The following CSMD3 variants were observed in gnomAD, a reference collection of about 807,000 sequenced individuals.
The protein encoded by CSMD3 is CUB and sushi domain-containing protein 3.
CSMD3 carries 177 observed loss-of-function variants against 435.2 expected under a neutral mutation model. That is an observed-to-expected ratio of 0.41 (90% confidence interval 0.36 to 0.46). The LOEUF (loss-of-function observed/expected upper bound fraction) is 0.46. CSMD3 is among the 20% of genes least tolerant of loss of function. The pLI is 0.34. For synonymous variants in CSMD3, 1,656 were observed against 1,520.5 expected (o/e 1.09, Z -2.07); for missense variants, 4,265 against 4,504.6 (o/e 0.95, Z 1.52).
At chr8:112,865,654 C>T (rs1233537682) in intron 10 of CSMD3, among the ~76,000 whole-genome samples, 1 of 149,932 alleles carries the variant, frequency 6.7e-6, no homozygotes, top group South Asian at 2.1e-4. Flanking sequence ...TATCTCTAAA[C>T]TTTAGTTTCT....
intron 30 of CSMD3, among the ~76,000 whole-genome samples, chr8:112,498,867 T>C (rs909808538): frequency 6.6e-6 from 1 of 152,128 alleles, no homozygotes; most frequent in Non-Finnish European, 1.5e-5. Flanking sequence ...ATTTAAAGAA[T>C]GTTATTATTC....
At chr8:112,362,946 G>A (rs1195966252) in intron 38 of CSMD3, among the ~76,000 whole-genome samples, 1 of 151,944 alleles carries the variant, frequency 6.6e-6, no homozygotes, top group Non-Finnish European at 1.5e-5. Flanking sequence ...GTAGTGTTCT[G>A]TGGAAGGCAG....
chr8:113,010,317 G>C (rs1034880824), intron 6 of CSMD3, among the ~76,000 whole-genome samples: 1 of 151,802 alleles, frequency 6.6e-6, no homozygotes, highest in Non-Finnish European at 1.5e-5. Context: ...AAAAGGGAAG[G>C]AGGAAGTGAT....
At chr8:113,027,061 G>T (rs1264852723) in intron 5 of CSMD3, among the ~76,000 whole-genome samples, 1 of 152,060 alleles carries the variant, frequency 6.6e-6, no homozygotes, top group Non-Finnish European at 1.5e-5. Context: ...CTGAACATTA[G>T]CAACCAAAAA....
intron 35 of CSMD3, among the ~76,000 whole-genome samples, chr8:112,404,200 A>T (rs1387071320): frequency 3.9e-5 from 6 of 152,158 alleles, no homozygotes; most frequent in Non-Finnish European, 7.3e-5. Context: ...TGGTAAAAAA[A>T]ATATATTTTA....
At chr8:112,869,408 G>A (rs578162759) in intron 10 of CSMD3, among the ~76,000 whole-genome samples, 60 of 152,168 alleles carry the variant, frequency 3.9e-4, no homozygotes, top group Non-Finnish European at 4.1e-4. Context: ...ATTATTTATT[G>A]ATCAAATATT....
intron 3 of CSMD3, among the ~76,000 whole-genome samples, chr8:113,201,950 T>G (rs2092720240): frequency 6.6e-6 from 1 of 152,082 alleles, no homozygotes; most frequent in South Asian, 2.1e-4. Flanking sequence ...ACACACCCTA[T>G]AGCTATAACC....
intron 45 of CSMD3, 125 bp downstream of exon 45, chr8:112,335,203 TG>T (rs1395180143): frequency 5.5e-6 from 5 of 909,414 alleles, no homozygotes; most frequent in Non-Finnish European, 8.7e-6. Flanking sequence ...CTAAAGTTAC[TG>T]TGATTATAAA....
intron 32 of CSMD3, among the ~76,000 whole-genome samples, chr8:112,465,974 C>CAAAAAAAAAAAAA (rs201876803): frequency 1.4e-4 from 16 of 114,164 alleles, no homozygotes; most frequent in African/African-American, 5.5e-4. Flanking sequence ...GACACCATCT[C>CAAAAAAAAAAAAA]AAAAAAAAAA....
At chr8:113,210,878 CAAA>C (rs11287401) in intron 3 of CSMD3, among the ~76,000 whole-genome samples, 1 of 143,262 alleles carries the variant, frequency 7.0e-6, no homozygotes, top group East Asian at 2.1e-4. Context: ...GACTCATTCT[CAAA>C]AAAAAAAAAG....
chr8:113,238,985 C>G (rs1488607066), intron 3 of CSMD3, among the ~76,000 whole-genome samples: 1 of 152,136 alleles, frequency 6.6e-6, no homozygotes, highest in Non-Finnish European at 1.5e-5. Flanking sequence ...CCACACAAAG[C>G]AGGTTGCCCT....
At chr8:113,270,985 T>TTA (rs1554593981) in intron 3 of CSMD3, among the ~76,000 whole-genome samples, 34 of 148,282 alleles carry the variant, frequency 2.3e-4, no homozygotes, top group Admixed American at 1.8e-3. Flanking sequence ...TCAAAAAGCA[T>TTA]AAAAAAAAAA....
At chr8:112,231,915 T>A (rs976865978) in intron 68 of CSMD3, among the ~76,000 whole-genome samples, 4 of 152,186 alleles carry the variant, frequency 2.6e-5, no homozygotes, top group African/African-American at 9.7e-5. Context: ...CATGAGGAAA[T>A]ACAGTGATCA....
intron 32 of CSMD3, among the ~76,000 whole-genome samples, chr8:112,459,238 C>T (rs549467870): frequency 2.6e-5 from 4 of 151,996 alleles, no homozygotes; most frequent in African/African-American, 9.6e-5. Context: ...ACTCATCTCC[C>T]TAATCTAAAT....
At chr8:112,487,048 A>T (rs569099150) in intron 31 of CSMD3, among the ~76,000 whole-genome samples, 9 of 152,276 alleles carry the variant, frequency 5.9e-5, no homozygotes, top group African/African-American at 2.2e-4. Context: ...TATTAATTGG[A>T]TGCTCACTGT....
At chr8:112,246,749 A>T (rs1419255627) in intron 64 of CSMD3, among the ~76,000 whole-genome samples, 1 of 152,198 alleles carries the variant, frequency 6.6e-6, no homozygotes. Context: ...AAACCTAATC[A>T]TTACCTAAAA....
At chr8:112,899,836 GAGAGAGAGAGAGAGTC>G (rs1224955029) in intron 10 of CSMD3, among the ~76,000 whole-genome samples, 6 of 147,708 alleles carry the variant, frequency 4.1e-5, no homozygotes, top group Middle Eastern at 3.5e-3. Context: ...TATATATGGA[GAGAGAGAGAGAGAGTC>G]AGAGAGAGAG....
chr8:112,341,606 T>A lies in CSMD3; in HGVS notation c.6523A>T (p.Ser2175Cys), dbSNP rs1825123227. Reference sequence around the variant, plus strand: ...CCACTAAGCCGGCCAATAACAGTACTAGTTTCTGAGGATCCACTTCGTACT... The same window carrying A: ...CCACTAAGCCGGCCAATAACAGTACAAGTTTCTGAGGATCCACTTCGTACT... ...LEVRSGSSET[S>C]TVIGRLSGPQ... The change falls in exon 42 of 71, where the codon AGT (serine) becomes TGT (cysteine). Residue 2175 changes from serine (S) to cysteine (C), a missense_variant. Around this residue, in one of 3 missense-constraint regions of CSMD3, gnomAD observed 3,255 missense variants for 3,380.2 expected, o/e 0.96. Coordinates refer to ENST00000297405, the MANE Select transcript of CSMD3 (RefSeq NM_198123.2). 1 of 1,613,090 alleles carries A rather than the reference T, an allele frequency of 6.2e-7. No individual in the cohort carries two copies. The highest frequency in any genetic ancestry group is 1.3e-5 in the African/African-American group (1 of 75,028).
chr8:112,485,417 A>G (rs1820027741), intron 31 of CSMD3, among the ~76,000 whole-genome samples: 1 of 152,106 alleles, frequency 6.6e-6, no homozygotes, highest in Non-Finnish European at 1.5e-5. Context: ...ATTATATTAC[A>G]TATTTAAATG....
Sources: allele counts gnomAD v4.1 joint callset (sites outside exome capture counted in the v4.1 genomes callset), GRCh38; gene constraint gnomAD v4.1.1; regional missense constraint gnomAD v4.1.1; transcripts MANE v1.5; gene names NCBI Gene and HGNC (gene_info 2026-07-23, HGNC 2026-07-21).